Variants in RSRC1 observed in about 807,000 individuals in gnomAD.
RSRC1 encodes serine/Arginine-related protein 53.
RSRC1 carries 39 observed loss-of-function variants against 49.1 expected under a neutral mutation model. The ratio of observed to expected loss-of-function variants is 0.79; its 90% CI spans 0.61 to 1.04. RSRC1 has a LOEUF of 1.04. Among genes scored for constraint, RSRC1 ranks in the 50% least tolerant of loss-of-function variants. The pLI is 0.00. For synonymous variants in RSRC1, 143 were observed against 130.8 expected, an observed-to-expected ratio of 1.09 and a Z score of -0.63; for missense variants, 388 against 402.4, an observed-to-expected ratio of 0.96 and a Z score of 0.31.
intron 7 of RSRC1, among the ~76,000 whole-genome samples, chr3:158,520,017 TG>T (rs1711568414): frequency 6.6e-6 from 1 of 152,106 alleles, no homozygotes; most frequent in African/African-American, 2.4e-5. Flanking sequence ...AATGAAGAAG[TG>T]GTCACTTCTG....
chr3:158,329,456 G>C (rs1729402595), intron 5 of RSRC1, among the ~76,000 whole-genome samples: 1 of 152,200 alleles, frequency 6.6e-6, no homozygotes, highest in South Asian at 2.1e-4. Context: ...TCTTCTAACA[G>C]TCAGGACCCT....
intron 5 of RSRC1, among the ~76,000 whole-genome samples, chr3:158,351,695 T>A (rs1730884045): frequency 6.6e-6 from 1 of 151,876 alleles, no homozygotes; most frequent in Non-Finnish European, 1.5e-5. Context: ...GTTAGAATGA[T>A]CCTGAGATTT....
At chr3:158,260,608 C>T (rs1367215876) in intron 4 of RSRC1, among the ~76,000 whole-genome samples, 1 of 152,218 alleles carries the variant, frequency 6.6e-6, no homozygotes, top group Non-Finnish European at 1.5e-5. Context: ...TACTCTGGCT[C>T]TGAGCCAAGC....
At chr3:158,344,650 A>G (rs750612762) in intron 5 of RSRC1, among the ~76,000 whole-genome samples, 4 of 152,210 alleles carry the variant, frequency 2.6e-5, no homozygotes, top group Non-Finnish European at 2.9e-5. Flanking sequence ...ATGACACCAG[A>G]TGAAAACCTG....
chr3:158,240,164 G>A (rs1032377517), intron 4 of RSRC1, among the ~76,000 whole-genome samples: 4 of 152,024 alleles, frequency 2.6e-5, no homozygotes, highest in Non-Finnish European at 5.9e-5. Context: ...ATTGTTGCCT[G>A]TCTGCCTATT....
intron 6 of RSRC1, among the ~76,000 whole-genome samples, chr3:158,389,848 C>T (rs1407999144): frequency 2.0e-5 from 3 of 152,200 alleles, no homozygotes; most frequent in Middle Eastern, 3.4e-3. Flanking sequence ...CTTGCTATAC[C>T]AACTTAATGC....
intron 7 of RSRC1, among the ~76,000 whole-genome samples, chr3:158,526,828 T>A (rs1209754429): frequency 6.6e-6 from 1 of 151,982 alleles, no homozygotes; most frequent in Non-Finnish European, 1.5e-5. Flanking sequence ...GGTATCCATT[T>A]GCTTCTGACA....
At chr3:158,346,004 A>G (rs1263767519) in intron 5 of RSRC1, among the ~76,000 whole-genome samples, 2 of 152,088 alleles carry the variant, frequency 1.3e-5, no homozygotes, top group Non-Finnish European at 2.9e-5. Flanking sequence ...CACACCTTGT[A>G]CTGTATTAAA....
intron 4 of RSRC1, among the ~76,000 whole-genome samples, chr3:158,254,134 A>G (rs999967250): frequency 5.9e-5 from 9 of 152,126 alleles, no homozygotes; most frequent in Non-Finnish European, 1.3e-4. Flanking sequence ...CATGGTGTAT[A>G]TGTGCCACAT....
intron 7 of RSRC1, among the ~76,000 whole-genome samples, chr3:158,506,700 A>G (rs1739876735): frequency 6.6e-6 from 1 of 151,812 alleles, no homozygotes; most frequent in Non-Finnish European, 1.5e-5. Context: ...TGTAGACAAA[A>G]GGAAACCCAC....
intron 3 of RSRC1, among the ~76,000 whole-genome samples, chr3:158,180,393 CTTTTTTTTT>C (rs1163298458): frequency 1.8e-4 from 7 of 38,530 alleles, no homozygotes; most frequent in African/African-American, 5.7e-4. Flanking sequence ...GGTCGAGGTT[CTTTTTTTTT>C]TTTTTTTTTT....
intron 3 of RSRC1, among the ~76,000 whole-genome samples, chr3:158,131,218 G>A (rs1160246944): frequency 3.3e-5 from 5 of 151,326 alleles, no homozygotes; most frequent in Non-Finnish European, 7.4e-5. Flanking sequence ...AGTTTCTTGT[G>A]GTTGCCTTTT....
At position 158,487,949 on chromosome 3, in the gene RSRC1, G is replaced by GGAAAAAAAAAAAAAAAAAA. The variant is rs1553814781; in HGVS notation, c.652+26946_652+26947insGAAAAAAAAAAAAAAAAAA. ...TAGGAGACAAGAGACTCCATCTCAAGAAAAAAAAAAAAAAAAAAAAAAAAA... is the reference window on the plus strand; with the variant it reads ...TAGGAGACAAGAGACTCCATCTCAAGGAAAAAAAAAAAAAAAAAAAAAAAAAAAAAAAAAAAAAAAAAAA... On this transcript the variant is annotated intron_variant, in intron 7 of 9. Transcript: ENST00000611884. Among the ~76,000 whole-genome samples the GGAAAAAAAAAAAAAAAAAA allele has an allele frequency of 5.5e-4, 16 of 28,920 alleles. 4 individuals carry two copies. Among genetic ancestry groups the GGAAAAAAAAAAAAAAAAAA allele is most frequent in the Admixed American group, 3.3e-3 (5 of 1,532 alleles). 19.0% of individuals were successfully genotyped at this position (28,920 alleles called of 152,430 possible). A position where few individuals can be genotyped will look rare whatever the true frequency, so the allele number is the denominator to read the frequency against.
chr3:158,208,525 G>A (rs1051140264), intron 4 of RSRC1, among the ~76,000 whole-genome samples: 5 of 152,098 alleles, frequency 3.3e-5, no homozygotes, highest in Non-Finnish European at 7.4e-5. Context: ...CACGAAACTT[G>A]GCTAATTTTT....
At chr3:158,495,816 C>T (rs960396381) in intron 7 of RSRC1, among the ~76,000 whole-genome samples, 1 of 152,250 alleles carries the variant, frequency 6.6e-6, no homozygotes, top group Non-Finnish European at 1.5e-5. Flanking sequence ...GTTTGTGCTG[C>T]AACAGCAGAA....
intron 3 of RSRC1, among the ~76,000 whole-genome samples, chr3:158,184,927 T>G (rs1481245106): frequency 6.6e-6 from 1 of 152,012 alleles, no homozygotes; most frequent in Non-Finnish European, 1.5e-5. Flanking sequence ...GAGAGTGGTC[T>G]ATATTTTTGT....
intron 7 of RSRC1, among the ~76,000 whole-genome samples, chr3:158,465,814 CTA>C (rs1560055102): frequency 6.6e-6 from 1 of 151,948 alleles, no homozygotes; most frequent in African/African-American, 2.4e-5. Context: ...TAAAATATTT[CTA>C]TAGTTTTTTA....
At chr3:158,435,715 T>C (rs1286143277) in intron 6 of RSRC1, among the ~76,000 whole-genome samples, 1 of 151,724 alleles carries the variant, frequency 6.6e-6, no homozygotes, top group African/African-American at 2.4e-5. Context: ...GGGAAGACTT[T>C]ACGCTTAGAA....
chr3:158,196,309 A>G (rs376994183), intron 3 of RSRC1, among the ~76,000 whole-genome samples: 4 of 151,966 alleles, frequency 2.6e-5, no homozygotes, highest in African/African-American at 7.3e-5. Flanking sequence ...TTTGTCTGTT[A>G]TTGGTGTATA....
Sources: allele counts gnomAD v4.1 joint callset (sites outside exome capture counted in the v4.1 genomes callset), GRCh38; gene constraint gnomAD v4.1.1; transcripts MANE v1.5; gene names NCBI Gene and HGNC (gene_info 2026-07-23, HGNC 2026-07-21).